The following SLIT2 variants were observed in gnomAD, a reference collection of about 807,000 sequenced individuals.
SLIT2 encodes slit guidance ligand 2.
Under a neutral mutation model 185.7 loss-of-function variants are expected in SLIT2, and 41 were observed. The ratio of observed to expected loss-of-function variants is 0.22; its 90% CI spans 0.17 to 0.29. The LOEUF (loss-of-function observed/expected upper bound fraction) is 0.29, where lower values mean the gene tolerates loss of function less well. Ranked by LOEUF, SLIT2 falls within the 10% of genes least tolerant of loss-of-function variation. The pLI, the probability that SLIT2 is intolerant of heterozygous loss-of-function variation, is 1.00. For synonymous variants in SLIT2, 693 were observed against 680.2 expected (o/e 1.02, Z -0.29); for missense variants, 1,571 against 1,909.0 (o/e 0.82, Z 3.30).
At chr4:20,489,350 G>A (rs1717563173) in intron 8 of SLIT2, among the ~76,000 whole-genome samples, 1 of 152,100 alleles carries the variant, frequency 6.6e-6, no homozygotes, top group South Asian at 2.1e-4. Context: ...CTGGATCCCT[G>A]CTATGAAATT....
intron 33 of SLIT2, among the ~76,000 whole-genome samples, chr4:20,605,895 C>T (rs1281695785): frequency 3.3e-5 from 5 of 151,726 alleles, no homozygotes; most frequent in Non-Finnish European, 4.4e-5. Flanking sequence ...TACAGGCACC[C>T]GCCACCACGC....
At chr4:20,609,708 A>G (rs1729064233) in intron 33 of SLIT2, among the ~76,000 whole-genome samples, 1 of 152,206 alleles carries the variant, frequency 6.6e-6, no homozygotes, top group Admixed American at 6.5e-5. Flanking sequence ...CAAATGTATA[A>G]ATTATCCTTT....
intron 4 of SLIT2, among the ~76,000 whole-genome samples, chr4:20,320,294 G>A (rs1052736300): frequency 2.6e-5 from 4 of 152,138 alleles, no homozygotes; most frequent in African/African-American, 9.7e-5. Flanking sequence ...TCAGTTCCCA[G>A]TTGCATGACT....
At position 20,415,580 on chromosome 4, in the gene SLIT2, T is replaced by C. The variant is rs1404313531; in HGVS notation, c.396-52172T>C. ...ATATTACCAAATTTAATTCTTTACA[T>C]AGGAATAATTACAGAAGCTTTATTA... On this transcript the variant is annotated intron_variant, in intron 4 of 36. Transcript: ENST00000504154. 1.2e-4 allele frequency among the ~76,000 whole-genome samples: 19 copies of C among 152,154 alleles called. 1 individual carries two copies. Among genetic ancestry groups the C allele is most frequent in the Admixed American group, 1.2e-3 (19 of 15,270 alleles).
chr4:20,532,189 T>A (rs779161528), intron 17 of SLIT2, 131 bp downstream of exon 17: 1 of 586,462 alleles, frequency 1.7e-6, no homozygotes, highest in Non-Finnish European at 3.0e-6. Flanking sequence ...ACCTGTAACA[T>A]GAATTTAGGG....
At chr4:20,617,672 C>T (rs751437659) in intron 36 of SLIT2, 22 bp downstream of exon 36, 1 of 1,579,596 alleles carries the variant, frequency 6.3e-7, no homozygotes, top group Non-Finnish European at 8.6e-7. Flanking sequence ...CCACTGGGCA[C>T]CTCATTCTCT....
intron 23 of SLIT2, 42 bp downstream of exon 23, chr4:20,548,601 G>T: frequency 8.6e-7 from 1 of 1,163,398 alleles, no homozygotes; most frequent in South Asian, 1.2e-5. Context: ...TTAATTCAAT[G>T]GACAAAAGGC....
At chr4:20,269,010 G>T in intron 4 of SLIT2, 129 bp downstream of exon 4, 1 of 633,154 alleles carries the variant, frequency 1.6e-6, no homozygotes, top group East Asian at 2.7e-5. Context: ...AAAAGTTTGT[G>T]TTTTTTCTTT....
At chr4:20,566,004 T>C (rs1436965195) in intron 26 of SLIT2, among the ~76,000 whole-genome samples, 2 of 152,042 alleles carry the variant, frequency 1.3e-5, no homozygotes, top group Non-Finnish European at 2.9e-5. Context: ...CATGTTCTCT[T>C]ACATACATGA....
intron 5 of SLIT2, among the ~76,000 whole-genome samples, chr4:20,474,721 A>C (rs1486107032): frequency 1.3e-5 from 2 of 152,016 alleles, no homozygotes; most frequent in Non-Finnish European, 2.9e-5. Context: ...AACTCTTAAA[A>C]TAGCCTGCTA....
At chr4:20,585,294 A>G (rs1028516459) in intron 29 of SLIT2, among the ~76,000 whole-genome samples, 4 of 152,198 alleles carry the variant, frequency 2.6e-5, no homozygotes, top group African/African-American at 9.7e-5. Context: ...TACACAACCA[A>G]CATATATACG....
rs187808347 is a variant in SLIT2 at position 20,559,482 on chromosome 4, A to G, written c.2725+5514A>G. Among the ~76,000 whole-genome samples, 13 of 152,034 alleles carry G rather than the reference A, an allele frequency of 8.6e-5. No individual in the cohort carries two copies. The East Asian group carries it at 2.3e-3, about 27-fold the overall frequency. Reference sequence around the variant, plus strand: ...ATTTGTCAAGCTATTTTGAAGTTTCATTGTCCTATTAATGAAGACTCTGCT... The same window carrying G: ...ATTTGTCAAGCTATTTTGAAGTTTCGTTGTCCTATTAATGAAGACTCTGCT... On this transcript the variant is annotated intron_variant, in intron 26 of 36. Coordinates refer to ENST00000504154, the MANE Select transcript of SLIT2 (RefSeq NM_004787.4).
chr4:20,544,005 C>G (rs1424360035), intron 21 of SLIT2, among the ~76,000 whole-genome samples: 1 of 151,926 alleles, frequency 6.6e-6, no homozygotes, highest in Non-Finnish European at 1.5e-5. Flanking sequence ...TGGGGAACAT[C>G]ACACACCGGG....
intron 4 of SLIT2, among the ~76,000 whole-genome samples, chr4:20,347,306 T>TA (rs1226517512): frequency 1.3e-5 from 2 of 152,222 alleles, no homozygotes; most frequent in Non-Finnish European, 2.9e-5. Context: ...CTTTTCATGA[T>TA]ACCATATACT....
intron 26 of SLIT2, among the ~76,000 whole-genome samples, chr4:20,562,485 A>G (rs1414590980): frequency 6.6e-6 from 1 of 151,730 alleles, no homozygotes; most frequent in African/African-American, 2.4e-5. Context: ...CTTGAAACAC[A>G]TATTCTAAGA....
chr4:20,594,153 ATATGTATGTGTGTATATATGT>A (rs1727761414), intron 30 of SLIT2, among the ~76,000 whole-genome samples: 1 of 148,980 alleles, frequency 6.7e-6, no homozygotes, highest in Middle Eastern at 3.6e-3. Context: ...ACACACATAC[ATATGTATGTGTGTATATATGT>A]ATGTACATGT....
chr4:20,456,912 T>A (rs1713132090), intron 4 of SLIT2, among the ~76,000 whole-genome samples: 2 of 152,076 alleles, frequency 1.3e-5, no homozygotes, highest in Admixed American at 1.3e-4. Flanking sequence ...AACTTTGACA[T>A]CACCTTTATC....
At chr4:20,602,973 C>T (rs142274452) in intron 33 of SLIT2, among the ~76,000 whole-genome samples, 249 of 152,092 alleles carry the variant, frequency 1.6e-3, no homozygotes, top group African/African-American at 5.7e-3. Context: ...TGGAATATGG[C>T]GCACGGGCCT....
intron 4 of SLIT2, among the ~76,000 whole-genome samples, chr4:20,356,026 G>A (rs1722293629): frequency 1.3e-5 from 2 of 152,052 alleles, no homozygotes; most frequent in African/African-American, 4.8e-5. Flanking sequence ...ATATAATATT[G>A]TTAAATAGGG....
Sources: gnomAD v4.1 joint callset for allele counts (sites outside exome capture counted in the v4.1 genomes callset) on GRCh38, gnomAD v4.1.1 for gene constraint, MANE v1.5 for transcripts, NCBI Gene and HGNC (gene_info 2026-07-23, HGNC 2026-07-21) for gene names.